The following IGF1R variants were observed in gnomAD, a reference collection of about 807,000 sequenced individuals.
IGF1R encodes insulin-like growth factor 1 receptor.
In IGF1R, 44 loss-of-function variants were observed where a neutral mutation model predicts 144.6. That is an observed-to-expected ratio of 0.30 (90% CI 0.24 to 0.39). The LOEUF is 0.39. Ranked by LOEUF, IGF1R falls within the 10% of genes least tolerant of loss-of-function variation. The pLI, the probability that IGF1R is intolerant of heterozygous loss-of-function variation, is 1.00. For synonymous variants in IGF1R, 795 were observed against 722.8 expected (o/e 1.10, Z -1.60); for missense variants, 1,355 against 1,833.7 (o/e 0.74, Z 4.77).
At chr15:98,946,306 A>G (rs575571118) in intron 19 of IGF1R, among the ~76,000 whole-genome samples, 33 of 152,154 alleles carry the variant, frequency 2.2e-4, no homozygotes, top group African/African-American at 7.7e-4. Flanking sequence ...CGTGGGACTT[A>G]GGCTGCAGAG....
chr15:98,912,631 T>A (rs2015072586), intron 7 of IGF1R, among the ~76,000 whole-genome samples: 1 of 152,260 alleles, frequency 6.6e-6, no homozygotes, highest in Admixed American at 6.5e-5. Flanking sequence ...ATCTGAATTT[T>A]AGAAGCTACT....
chr15:98,760,511 G>GT (rs1298676767), intron 2 of IGF1R, among the ~76,000 whole-genome samples: 1 of 152,224 alleles, frequency 6.6e-6, no homozygotes, highest in Non-Finnish European at 1.5e-5. Context: ...TGTAATACAA[G>GT]TGCCTTTATT....
intron 20 of IGF1R, among the ~76,000 whole-genome samples, chr15:98,952,206 C>G (rs937566380): frequency 6.6e-6 from 1 of 151,980 alleles, no homozygotes; most frequent in African/African-American, 2.4e-5. Context: ...TCAGGTTACA[C>G]CATGTGAGAG....
At chr15:98,755,718 C>CAAAAAAAAAAAAA (rs56121011) in intron 2 of IGF1R, among the ~76,000 whole-genome samples, 1 of 34,504 alleles carries the variant, frequency 2.9e-5, no homozygotes, top group Non-Finnish European at 4.5e-5. Context: ...AACTCCATTG[C>CAAAAAAAAAAAAA]AAAAAAAAAA....
At chr15:98,733,500 T>TC (rs371915221) in intron 2 of IGF1R, among the ~76,000 whole-genome samples, 128 of 150,178 alleles carry the variant, frequency 8.5e-4, no homozygotes, top group African/African-American at 2.9e-3. Flanking sequence ...TTTTTTTTTT[T>TC]CCCCCTTCCA....
At chr15:98,685,237 G>T (rs1207830864) in intron 1 of IGF1R, among the ~76,000 whole-genome samples, 2 of 152,166 alleles carry the variant, frequency 1.3e-5, no homozygotes, top group South Asian at 2.1e-4. Context: ...GAGCCACCAT[G>T]CCCGGCTGGA....
intron 13 of IGF1R, among the ~76,000 whole-genome samples, chr15:98,926,963 C>CT (rs2015745852): frequency 1.3e-5 from 2 of 152,170 alleles, no homozygotes; most frequent in African/African-American, 2.4e-5. Flanking sequence ...CTTCCCTCCT[C>CT]TTTTTCCTCC....
intron 2 of IGF1R, among the ~76,000 whole-genome samples, chr15:98,789,707 A>G (rs1567130341): frequency 6.6e-6 from 1 of 152,212 alleles, no homozygotes; most frequent in African/African-American, 2.4e-5. Context: ...AGTTTAATAA[A>G]GAAACAAGCA....
At chr15:98,706,290 TCACTC>T (rs984437991) in intron 1 of IGF1R, among the ~76,000 whole-genome samples, 1 of 152,236 alleles carries the variant, frequency 6.6e-6, no homozygotes, top group Non-Finnish European at 1.5e-5. Flanking sequence ...TCAGAAAACT[TCACTC>T]TATCTGAGAA....
At chr15:98,852,668 A>G (rs1229865458) in intron 2 of IGF1R, among the ~76,000 whole-genome samples, 1 of 152,186 alleles carries the variant, frequency 6.6e-6, no homozygotes, top group Non-Finnish European at 1.5e-5. Flanking sequence ...GCCCCACCGG[A>G]GCGAAGCGGG....
At chr15:98,812,509 A>T (rs2056613401) in intron 2 of IGF1R, among the ~76,000 whole-genome samples, 1 of 151,984 alleles carries the variant, frequency 6.6e-6, no homozygotes, top group African/African-American at 2.4e-5. Flanking sequence ...GACGCCTGCC[A>T]CCATGCCCGG....
At position 98,916,017 on chromosome 15, in the gene IGF1R, A is replaced by G; in HGVS notation, c.1882A>G (p.Ile628Val). 2 of 1,614,056 alleles carry G rather than the reference A, an allele frequency of 1.2e-6. No homozygotes were observed. Among genetic ancestry groups the G allele is most frequent in the Admixed American group, 1.7e-5 (1 of 60,020 alleles). Residue 628 changes from isoleucine to valine, a missense_variant, in exon 9 of 21, where the codon ATC becomes GTC. Physicochemically the swap from Ile to Val is conservative, Grantham distance 29. This residue lies in a region of IGF1R where 880 missense variants were observed against 1,202.7 expected (regional missense o/e 0.73). Transcript: ENST00000650285. The stretch of plus-strand genomic sequence containing the variant: ...AGCATCGAACTCCTCTTCTCAGTTA[A>G]TCGTGAAGTGGAACCCTCCCTCTCT... ...LSASNSSSQL[I>V]VKWNPPSLPN...
intron 1 of IGF1R, among the ~76,000 whole-genome samples, chr15:98,701,192 A>G (rs1175357954): frequency 6.6e-6 from 1 of 152,170 alleles, no homozygotes; most frequent in East Asian, 1.9e-4. Flanking sequence ...GGATTTTACC[A>G]TTAGAGTTAA....
intron 2 of IGF1R, among the ~76,000 whole-genome samples, chr15:98,858,846 T>G (rs2011981965): frequency 6.6e-6 from 1 of 152,204 alleles, no homozygotes; most frequent in African/African-American, 2.4e-5. Flanking sequence ...CCAAACTTCG[T>G]GTGACATCTG....
chr15:98,817,604 C>G (rs898598223), intron 2 of IGF1R, among the ~76,000 whole-genome samples: 5 of 152,110 alleles, frequency 3.3e-5, no homozygotes, highest in African/African-American at 1.2e-4. Context: ...AAAGCTGTCA[C>G]ATGGGCACAG....
At position 98,959,273 on chromosome 15, in the gene IGF1R, C is replaced by CTTAATGGCTAT. The variant is rs2017132038; in HGVS notation, c.*1837_*1847dup. On this transcript the variant is annotated 3_prime_UTR_variant, in exon 21 of 21. Coordinates refer to ENST00000650285, the MANE Select transcript of IGF1R (RefSeq NM_000875.5). ...ACTAGGCATTTGGATTACTATTTTT[C>CTTAATGGCTAT]TTAATGGCTATTTAATCCTTCCATC... is the stretch of plus-strand genomic sequence containing the variant. 1 of 233,490 alleles carries CTTAATGGCTAT rather than the reference C, an allele frequency of 4.3e-6. No homozygotes were observed. Among genetic ancestry groups the CTTAATGGCTAT allele is most frequent in the African/African-American group, 2.2e-5 (1 of 45,338 alleles). 14.5% of individuals were successfully genotyped at this position (233,490 alleles called of 1,614,324 possible).
intron 2 of IGF1R, among the ~76,000 whole-genome samples, chr15:98,729,801 G>A (rs1320142447): frequency 2.6e-5 from 4 of 152,128 alleles, no homozygotes; most frequent in Non-Finnish European, 4.4e-5. Flanking sequence ...CCCTTGGCAC[G>A]ATGTGTGTGA....
chr15:98,827,642 G>A (rs190087462), intron 2 of IGF1R, among the ~76,000 whole-genome samples: 356 of 152,316 alleles, frequency 2.3e-3, no homozygotes, highest in African/African-American at 7.9e-3. Flanking sequence ...AAGTGCAGTG[G>A]CGCAATCTCA....
chr15:98,953,352 A>G (rs1169680077), intron 20 of IGF1R, among the ~76,000 whole-genome samples: 4 of 152,162 alleles, frequency 2.6e-5, no homozygotes. Context: ...TTAACTTAGC[A>G]GGTATCACAA....
Sources: gnomAD v4.1 joint callset for allele counts (sites outside exome capture counted in the v4.1 genomes callset) on GRCh38, gnomAD v4.1.1 for gene constraint, gnomAD v4.1.1 regional missense constraint, MANE v1.5 for transcripts, NCBI Gene and HGNC (gene_info 2026-07-23, HGNC 2026-07-21) for gene names.